The following CRISPLD2 variants were observed in gnomAD, a reference collection of about 807,000 sequenced individuals.
CRISPLD2 encodes cysteine rich secretory protein LCCL domain containing 2.
A neutral mutation model predicts 71.1 loss-of-function variants in CRISPLD2; 47 were observed. The observed-to-expected ratio is 0.66, with a 90% confidence interval of 0.52 to 0.84. The LOEUF is 0.84. CRISPLD2 is among the 40% of genes least tolerant of loss of function. The probability of loss-of-function intolerance (pLI) is 0.00; values close to 1 mark genes in which losing one functional copy is unlikely to be tolerated. For missense variants in CRISPLD2, 830 were observed against 651.1 expected (o/e 1.27, Z -2.99); for synonymous variants, 317 against 250.1 (o/e 1.27, Z -2.52).
intron 14 of CRISPLD2, among the ~76,000 whole-genome samples, chr16:84,897,595 C>G (rs1444544570): frequency 2.0e-5 from 3 of 152,128 alleles, no homozygotes; most frequent in African/African-American, 4.8e-5. Context: ...TACATATAAA[C>G]ACGCCTTTTT....
At chr16:84,879,203 G>A (rs9933930) in intron 12 of CRISPLD2, among the ~76,000 whole-genome samples, 3,176 of 152,292 alleles carry the variant, frequency 0.021, 109 homozygotes, top group African/African-American at 0.073. Context: ...CCTTTTAGTA[G>A]ATTTTCCCTG....
At chr16:84,899,204 T>A (rs2071732235) in intron 14 of CRISPLD2, among the ~76,000 whole-genome samples, 1 of 152,148 alleles carries the variant, frequency 6.6e-6, no homozygotes, top group African/African-American at 2.4e-5. Context: ...GGATTTTCAA[T>A]ACCCTGTATC....
At chr16:84,848,133 G>C (rs1164192832) in intron 3 of CRISPLD2, among the ~76,000 whole-genome samples, 2 of 152,158 alleles carry the variant, frequency 1.3e-5, no homozygotes, top group Non-Finnish European at 2.9e-5. Flanking sequence ...GGCAGCCGCG[G>C]GTTCCTTTCC....
At chr16:84,877,977 G>A (rs13334564) in intron 12 of CRISPLD2, among the ~76,000 whole-genome samples, 3,286 of 151,586 alleles carry the variant, frequency 0.022, 129 homozygotes, top group African/African-American at 0.075. Flanking sequence ...TTGGGAGGCC[G>A]AGGCAGGCGG....
intron 6 of CRISPLD2, among the ~76,000 whole-genome samples, chr16:84,855,072 C>T (rs911595585): frequency 2.2e-4 from 33 of 152,150 alleles, no homozygotes; most frequent in African/African-American, 6.5e-4. Flanking sequence ...TGGGCATCTC[C>T]TGTGCCGGGC....
chr16:84,854,952 C>G, intron 6 of CRISPLD2, 123 bp downstream of exon 6: 1 of 747,758 alleles, frequency 1.3e-6, no homozygotes, highest in South Asian at 1.6e-5. Context: ...ATTTAAGACG[C>G]TCTCAGCACA....
rs180789799 is a variant in CRISPLD2 at position 84,856,560 on chromosome 16, G to T, written c.709+1731G>T. ...AAATTTTGCTAGTGGGTCACTAGGG[G>T]TGAGGGTGAGTGATGCCATTTCCAC... On this transcript the variant is annotated intron_variant, in intron 6 of 14. Coordinates refer to ENST00000262424, the MANE Select transcript of CRISPLD2 (RefSeq NM_031476.4). 2.6e-5 allele frequency among the ~76,000 whole-genome samples: 4 copies of T among 152,320 alleles called. No individual in the cohort carries two copies. The East Asian group carries it at 7.7e-4, about 29-fold the overall frequency.
At chr16:84,892,197 C>G (rs2071668714) in intron 14 of CRISPLD2, among the ~76,000 whole-genome samples, 1 of 152,126 alleles carries the variant, frequency 6.6e-6, no homozygotes. Flanking sequence ...CCAGATCAAC[C>G]CAGAGCTTGT....
At chr16:84,898,089 C>G (rs2071722212) in intron 14 of CRISPLD2, among the ~76,000 whole-genome samples, 1 of 152,150 alleles carries the variant, frequency 6.6e-6, no homozygotes, top group African/African-American at 2.4e-5. Flanking sequence ...ACACTCAGAT[C>G]GTTTCCTTTT....
intron 1 of CRISPLD2, among the ~76,000 whole-genome samples, chr16:84,836,904 G>T (rs1271781382): frequency 6.6e-6 from 1 of 152,178 alleles, no homozygotes; most frequent in Non-Finnish European, 1.5e-5. Flanking sequence ...CCTCCAGACA[G>T]AGCTGCTTCT....
intron 11 of CRISPLD2, among the ~76,000 whole-genome samples, chr16:84,876,758 C>T (rs946618467): frequency 6.6e-6 from 1 of 152,180 alleles, no homozygotes; most frequent in African/African-American, 2.4e-5. Flanking sequence ...TGCCGTTTCA[C>T]TCCAGCCTGG....
intron 4 of CRISPLD2, 59 bp downstream of exon 4, chr16:84,849,576 C>CAGGGGCAGGGGG: frequency 6.5e-7 from 1 of 1,530,578 alleles, no homozygotes; most frequent in South Asian, 1.1e-5. Context: ...CATTCACCCC[C>CAGGGGCAGGGGG]TGCCCCTGGG....
intron 3 of CRISPLD2, 47 bp downstream of exon 3, chr16:84,845,951 G>A (rs373106550): frequency 4.1e-5 from 53 of 1,289,020 alleles, no homozygotes; most frequent in Middle Eastern, 2.0e-4. Context: ...CCCCACTGCC[G>A]TGTGCCGGGC....
intron 6 of CRISPLD2, among the ~76,000 whole-genome samples, chr16:84,858,584 C>A (rs1243355847): frequency 6.6e-6 from 1 of 152,252 alleles, no homozygotes; most frequent in East Asian, 1.9e-4. Flanking sequence ...TTTGCTACTT[C>A]TTGCTCACTG....
intron 5 of CRISPLD2, 52 bp from the exon 6 acceptor site, chr16:84,854,677 G>A (rs1456286106): frequency 1.1e-5 from 15 of 1,339,104 alleles, no homozygotes; most frequent in African/African-American, 7.2e-5. Flanking sequence ...GATCAGTCCC[G>A]AGGCCTCACG....
In CRISPLD2 at chr16:84,902,583, C is replaced by G. The variant is rs113851952; in HGVS notation, c.1440-4005C>G. 5.9e-3 allele frequency among the ~76,000 whole-genome samples: 898 copies of G among 150,986 alleles called. 11 individuals carry two copies. The highest frequency in any genetic ancestry group is 0.019 in the African/African-American group (800 of 41,172). Reference sequence around the variant, plus strand: ...AGAGATCACGCCACTGCACTACAGCCTGGGTGACAGAGCGAGACTCCATCT... The same window carrying G: ...AGAGATCACGCCACTGCACTACAGCGTGGGTGACAGAGCGAGACTCCATCT... On this transcript the variant is annotated intron_variant, in intron 14 of 14. Coordinates refer to ENST00000262424, the MANE Select transcript of CRISPLD2 (RefSeq NM_031476.4).
intron 6 of CRISPLD2, among the ~76,000 whole-genome samples, chr16:84,859,680 G>A (rs908651376): frequency 6.6e-6 from 1 of 152,134 alleles, no homozygotes; most frequent in Admixed American, 6.5e-5. Flanking sequence ...AAATTAAGTG[G>A]GAATGTAGTA....
intron 1 of CRISPLD2, among the ~76,000 whole-genome samples, chr16:84,825,226 G>C (rs1251008757): frequency 6.6e-6 from 1 of 151,498 alleles, no homozygotes; most frequent in Non-Finnish European, 1.5e-5. Context: ...GGGGAAGAAG[G>C]AGAACTGAGA....
chr16:84,880,382 G>T (rs2071557730), intron 12 of CRISPLD2, 127 bp from the exon 13 acceptor site: 1 of 660,088 alleles, frequency 1.5e-6, no homozygotes, highest in Non-Finnish European at 2.6e-6. Flanking sequence ...TTCTTAATGA[G>T]GAAAACTGTA....
Sources: gnomAD v4.1 joint callset for allele counts (sites outside exome capture counted in the v4.1 genomes callset) on GRCh38, gnomAD v4.1.1 for gene constraint, MANE v1.5 for transcripts, NCBI Gene and HGNC (gene_info 2026-07-23, HGNC 2026-07-21) for gene names.